Variants in COL28A1 observed in about 807,000 individuals in gnomAD.
The protein encoded by COL28A1 is collagen type XXVIII alpha 1 chain.
Under a neutral mutation model 150.2 loss-of-function variants are expected in COL28A1, and 161 were observed. The observed-to-expected ratio is 1.07, with a 90% CI of 0.94 to 1.22. The LOEUF is 1.22. Ranked by LOEUF, COL28A1 falls within the 50% of genes most tolerant of loss-of-function variation. The pLI is 0.00. For missense variants in COL28A1, 1,617 were observed against 1,388.3 expected (o/e 1.16, Z -2.62); for synonymous variants, 552 against 469.7 (o/e 1.18, Z -2.26).
chr7:7,433,538 G>A (rs1785129801), intron 23 of COL28A1, among the ~76,000 whole-genome samples: 1 of 151,736 alleles, frequency 6.6e-6, no homozygotes, highest in African/African-American at 2.4e-5. Flanking sequence ...GGAGGCTGAG[G>A]CAGGAGAATT....
At chr7:7,383,267 TGTGTGTGTGTGTGTGTGTGTG>T (rs1781974512) in intron 27 of COL28A1, among the ~76,000 whole-genome samples, 1 of 138,496 alleles carries the variant, frequency 7.2e-6, no homozygotes, top group African/African-American at 3.0e-5. Flanking sequence ...TGTGTGTGTG[TGTGTGTGTGTGTGTGTGTGTG>T]TTTTTTTTGA....
At chr7:7,374,453 G>A (rs1054307288) in intron 31 of COL28A1, among the ~76,000 whole-genome samples, 2 of 152,040 alleles carry the variant, frequency 1.3e-5, no homozygotes, top group African/African-American at 4.8e-5. Context: ...TGACAACTAT[G>A]GCAGCTTTCA....
In COL28A1 at chr7:7,360,374, G is replaced by A. The variant is rs770345361; in HGVS notation, c.3205+16C>T. ...CTGTAGAATCAAAATGGGACTTGGA[G>A]TTCTGGTTTACCTACCCTCTGCCCC... On this transcript the variant is annotated intron_variant, in intron 34 of 34. Coordinates refer to ENST00000399429, the MANE Select transcript of COL28A1 (RefSeq NM_001037763.3). 2 of 1,533,304 alleles carry A rather than the reference G, an allele frequency of 1.3e-6. No homozygotes were observed. The highest frequency in any genetic ancestry group is 8.7e-7 in the Non-Finnish European group (1 of 1,147,798). 95.0% of individuals were successfully genotyped at this position (1,533,304 alleles called of 1,614,324 possible).
intron 27 of COL28A1, among the ~76,000 whole-genome samples, chr7:7,410,546 G>A (rs188166297): frequency 6.6e-6 from 1 of 152,176 alleles, no homozygotes; most frequent in East Asian, 1.9e-4. Flanking sequence ...TCTATGCTAT[G>A]CCGTTAAGTG....
chr7:7,484,770 T>C (rs895254623), intron 13 of COL28A1, among the ~76,000 whole-genome samples: 5 of 152,100 alleles, frequency 3.3e-5, no homozygotes, highest in Admixed American at 1.3e-4. Context: ...GAAAATATGG[T>C]ATATATACAC....
At chr7:7,460,192 T>C (rs1482240953) in intron 15 of COL28A1, among the ~76,000 whole-genome samples, 3 of 152,338 alleles carry the variant, frequency 2.0e-5, no homozygotes, top group South Asian at 2.1e-4. Context: ...TCGTATGTGG[T>C]CTTCCTTCCT....
intron 33 of COL28A1, among the ~76,000 whole-genome samples, chr7:7,369,747 G>A (rs758911): frequency 0.03 from 4,609 of 152,218 alleles, 111 homozygotes; most frequent in Non-Finnish European, 0.047. Context: ...CTACTGATCC[G>A]AATGTTCCTT....
At position 7,419,594 on chromosome 7, in the gene COL28A1, T is replaced by C. The variant is rs1368297961; in HGVS notation, c.2067+291A>G. ...TGAGGCACCTCTGCCAAAGTAAAGA[T>C]GTGCTTCTTGATGACGGCACAGCCT... On this transcript the variant is annotated intron_variant, in intron 26 of 34. Transcript: ENST00000399429. Among the ~76,000 whole-genome samples the C allele has an allele frequency of 1.3e-5, 2 of 152,156 alleles. 1 individual carries two copies. The highest frequency in any genetic ancestry group is 2.9e-5 in the Non-Finnish European group (2 of 68,030).
In COL28A1 at chr7:7,520,065, G is replaced by T; in HGVS notation, c.810C>A (p.Asn270Lys). ...GIKGERGPKGNPGNAQKGEAG... is the reference protein window; with the variant it reads ...GIKGERGPKGKPGNAQKGEAG... ...GAAAAGCTGTTTATTCATTTACCGG[G>T]TTTCCTTTTGGTCCTCGCTCACCTT... Residue 270 changes from asparagine (N) to lysine (K), a missense_variant, in exon 6 of 35, where the codon AAC (asparagine) becomes AAA (lysine). Transcript: ENST00000399429. The T allele has an allele frequency of 7.3e-7, 1 of 1,363,080 alleles. No homozygotes were observed. The highest frequency in any genetic ancestry group is 1.0e-6 in the Non-Finnish European group (1 of 952,602). 84.4% of individuals were successfully genotyped at this position (1,363,080 alleles called of 1,614,324 possible). A position where few individuals can be genotyped will look rare whatever the true frequency, so the allele number is the denominator to read the frequency against.
the COL28A1 span, among the ~76,000 whole-genome samples, chr7:7,349,413 T>C: frequency 5.8e-4 from 89 of 152,264 alleles, no homozygotes; most frequent in Non-Finnish European, 9.4e-4. Context: ...GTTACTGGCT[T>C]TGGGTAGTTT....
In COL28A1 at chr7:7,380,601, T is replaced by A. The variant is rs150868936; in HGVS notation, c.2322+59A>T. On this transcript the variant is annotated intron_variant, in intron 30 of 34. Transcript: ENST00000399429. The stretch of plus-strand genomic sequence containing the variant: ...AATTCATAATTCTAAAGCTAAAGCA[T>A]GAATGCAACAATTTTGCAAGCACAA... The A allele has an allele frequency of 4.9e-4, 701 of 1,438,036 alleles. 6 individuals are homozygous for A. Among genetic ancestry groups the A allele is most frequent in the East Asian group, 4.5e-3 (198 of 44,036 alleles). The allele number at this position is 1,438,036 out of a possible 1,614,324, so 89.1% of individuals were successfully genotyped here.
intron 33 of COL28A1, among the ~76,000 whole-genome samples, chr7:7,362,563 T>C (rs1195899666): frequency 1.3e-5 from 2 of 152,112 alleles, no homozygotes; most frequent in South Asian, 2.1e-4. Flanking sequence ...TACTCATGTA[T>C]GCGTATTTTT....
chr7:7,496,943 T>C (rs1780241001), intron 11 of COL28A1, among the ~76,000 whole-genome samples: 1 of 151,626 alleles, frequency 6.6e-6, no homozygotes, highest in African/African-American at 2.4e-5. Flanking sequence ...ATGGCCAGGA[T>C]ACATTCTCAG....
intron 27 of COL28A1, among the ~76,000 whole-genome samples, chr7:7,397,766 G>T (rs1030763804): frequency 1.3e-5 from 2 of 152,166 alleles, no homozygotes; most frequent in East Asian, 3.8e-4. Flanking sequence ...AGCTAGAAAT[G>T]TTGTACAGGT....
chr7:7,498,253 C>G (rs1484473965), intron 11 of COL28A1, among the ~76,000 whole-genome samples: 3 of 152,012 alleles, frequency 2.0e-5, no homozygotes, highest in Non-Finnish European at 4.4e-5. Context: ...AAAGGAAGGA[C>G]CAGTCAGCAG....
At chr7:7,486,070 A>T (rs535810501) in intron 13 of COL28A1, among the ~76,000 whole-genome samples, 1 of 152,248 alleles carries the variant, frequency 6.6e-6, no homozygotes, top group South Asian at 2.1e-4. Flanking sequence ...TATGTTGTTG[A>T]GTCTTCTAAT....
intron 33 of COL28A1, among the ~76,000 whole-genome samples, chr7:7,363,656 T>C (rs770572479): frequency 9.9e-5 from 15 of 152,182 alleles, no homozygotes; most frequent in Non-Finnish European, 1.9e-4. Flanking sequence ...CCTAGTCTTT[T>C]TTCTAGGTGC....
chr7:7,391,548 C>T (rs1260339477), intron 27 of COL28A1, among the ~76,000 whole-genome samples: 1 of 152,114 alleles, frequency 6.6e-6, no homozygotes, highest in South Asian at 2.1e-4. Flanking sequence ...TTTTCTGTCT[C>T]GTTAATCTGT....
At chr7:7,533,624 C>T (rs752484049) in intron 1 of COL28A1, among the ~76,000 whole-genome samples, 2 of 152,026 alleles carry the variant, frequency 1.3e-5, no homozygotes, top group Non-Finnish European at 2.9e-5. Flanking sequence ...TGGACAGAAA[C>T]GGGACTTAAA....
Sources: gnomAD v4.1 joint callset for allele counts (sites outside exome capture counted in the v4.1 genomes callset) on GRCh38, gnomAD v4.1.1 for gene constraint, MANE v1.5 for transcripts, NCBI Gene and HGNC (gene_info 2026-07-23, HGNC 2026-07-21) for gene names.